C1orf159: variants seen among roughly 807,000 people sequenced by gnomAD.
C1orf159 encodes the protein uncharacterized protein C1orf159.
A neutral mutation model predicts 25.6 loss-of-function variants in C1orf159; 19 were observed. The ratio of observed to expected loss-of-function variants is 0.74; its 90% confidence interval spans 0.52 to 1.09. The LOEUF (loss-of-function observed/expected upper bound fraction) is 1.09, where lower values mean the gene tolerates loss of function less well. Ranked by LOEUF, C1orf159 falls within the 50% of genes least tolerant of loss-of-function variation. C1orf159 has a pLI of 0.00. For missense variants in C1orf159, 274 were observed against 290.6 expected (o/e 0.94, Z 0.42); for synonymous variants, 139 against 124.7 (o/e 1.12, Z -0.77).
chr1:1,087,475 G>T lies in C1orf159; in HGVS notation c.244+27C>A. On this transcript the variant is annotated intron_variant, in intron 5 of 9. Transcript: ENST00000421241. This position sits in a 1 kb window ranked among gnomAD's most constrained non-coding sequence, Gnocchi z 8.3. ...TCCCACAGCTGGAGCTGTGAGAAGG[G>T]AGCCGGGGGGAGCCGGGCAGACCTA... is the stretch of plus-strand genomic sequence containing the variant. 1 of 1,530,496 alleles carries T rather than the reference G, an allele frequency of 6.5e-7. No homozygotes were observed. The highest frequency in any genetic ancestry group is 8.8e-7 in the Non-Finnish European group (1 of 1,131,126). The allele number at this position is 1,530,496 out of a possible 1,614,324, so 94.8% of individuals were successfully genotyped here. A position where few individuals can be genotyped will look rare whatever the true frequency, so the allele number is the denominator to read the frequency against.
rs186180518 is a variant in C1orf159 at position 1,089,902 on chromosome 1, A to G, written c.148+451T>C. Among the ~76,000 whole-genome samples the G allele has an allele frequency of 4.7e-3, 718 of 152,310 alleles. 4 individuals are homozygous for G. Among genetic ancestry groups the G allele is most frequent in the African/African-American group, 0.016 (678 of 41,574 alleles). On this transcript the variant is annotated intron_variant, in intron 4 of 9. Transcript: ENST00000421241. This position sits in a 1 kb window ranked among gnomAD's most constrained non-coding sequence, Gnocchi z 7.5. ...AACAGGGCCTGCCCGTGGCACGCTGACACAGGCCGGCATCCTCGTGGCGTC... is the reference window on the plus strand; with the variant it reads ...AACAGGGCCTGCCCGTGGCACGCTGGCACAGGCCGGCATCCTCGTGGCGTC...
intron 1 of C1orf159, among the ~76,000 whole-genome samples, chr1:1,102,071 CAA>C (rs1237729417): frequency 2.5e-4 from 10 of 39,976 alleles, no homozygotes; most frequent in Non-Finnish European, 4.4e-4. Context: ...AACTCTGTCT[CAA>C]AAAAAAAAAA....
At chr1:1,103,529 C>T (rs746661175) in intron 1 of C1orf159, among the ~76,000 whole-genome samples, 4 of 152,214 alleles carry the variant, frequency 2.6e-5, no homozygotes, top group South Asian at 2.1e-4. Flanking sequence ...GTCACACCTG[C>T]GGTGAGCGGT....
chr1:1,115,936 C>T (rs948329382), intron 1 of C1orf159, 124 bp downstream of exon 1: 2 of 151,296 alleles, frequency 1.3e-5, no homozygotes, highest in African/African-American at 2.4e-5. Flanking sequence ...GAACGTCCCT[C>T]GGGCCGGGCC....
chr1:1,104,818 G>C (rs375832599), intron 1 of C1orf159, among the ~76,000 whole-genome samples: 1 of 142,944 alleles, frequency 7.0e-6, no homozygotes, highest in Non-Finnish European at 1.5e-5. Flanking sequence ...TGTCTCAAAG[G>C]AAAAAAAAAA....
rs1333379006 is a variant in C1orf159 at position 1,087,692 on chromosome 1, C to G, written c.149-95G>C. ...TTCTCTATTTGAGTTGGTGAGATAA[C>G]TTTCATTCCAGATACTAACATGCTC... On this transcript the variant is annotated intron_variant, in intron 4 of 9. Transcript: ENST00000421241. The surrounding 1 kb of genome is among the most constrained non-coding windows in gnomAD (Gnocchi z 8.3). The G allele has an allele frequency of 2.1e-6, 2 of 944,712 alleles. No homozygotes were observed. Among genetic ancestry groups the G allele is most frequent in the Non-Finnish European group, 3.2e-6 (2 of 629,884 alleles). The allele number at this position is 944,712 out of a possible 1,614,324, so 58.5% of individuals were successfully genotyped here. A position where few individuals can be genotyped will look rare whatever the true frequency, so the allele number is the denominator to read the frequency against.
At chr1:1,102,614 T>TAAAAAAAA (rs1170365187) in intron 1 of C1orf159, among the ~76,000 whole-genome samples, 1 of 34,108 alleles carries the variant, frequency 2.9e-5, no homozygotes, top group Non-Finnish European at 5.7e-5. Context: ...CTGTCTCTAC[T>TAAAAAAAA]AAAAAAAAAA....
chr1:1,090,841 G>A (rs781117690), intron 3 of C1orf159: 1 of 1,513,326 alleles, frequency 6.6e-7, no homozygotes, highest in South Asian at 1.2e-5. Flanking sequence ...CAGGTGCCCA[G>A]GTACTGCACA....
At chr1:1,100,805 T>A (rs1265240461) in intron 1 of C1orf159, among the ~76,000 whole-genome samples, 1 of 152,216 alleles carries the variant, frequency 6.6e-6, no homozygotes, top group Non-Finnish European at 1.5e-5. Flanking sequence ...CCTTGCTTTT[T>A]CTAGTCTACT....
Position 1,082,927 on chromosome 1 carries a change from G to T in C1orf159, c.563C>A (p.Ala188Asp), listed in dbSNP as rs779258878. Residue 188 changes from alanine (A) to aspartate (D), a missense_variant, in exon 10 of 10, where the codon GCC becomes GAC. Ala to Asp is a moderately radical substitution (Grantham distance 126, BLOSUM62 -2). Coordinates refer to ENST00000421241, the MANE Select transcript of C1orf159 (RefSeq NM_017891.5). ...RPLDRATDPAAFPGEARISNV is the reference protein window; with the variant it reads ...RPLDRATDPADFPGEARISNV The stretch of plus-strand genomic sequence containing the variant: ...GCTGATACGGGCCTCCCCCGGGAAG[G>T]CAGCGGGATCCGTGGCCCTGTCCAG... 1.6e-4 allele frequency: 264 copies of T among 1,603,056 alleles called. 1 individual carries two copies. In the Middle Eastern group the frequency reaches 3.8e-3, roughly 23 times the overall value.
At chr1:1,085,256 G>A (rs1377745635) in intron 7 of C1orf159, 3 of 435,810 alleles carry the variant, frequency 6.9e-6, no homozygotes, top group South Asian at 3.2e-5. Flanking sequence ...CTCACCTTGG[G>A]GTCCGAACTG....
chr1:1,084,301 G>C, intron 9 of C1orf159, 52 bp downstream of exon 9: 1 of 1,525,572 alleles, frequency 6.6e-7, no homozygotes, highest in Non-Finnish European at 8.8e-7. Context: ...AGCACCCTGG[G>C]ACTGGCCCAG....
intron 1 of C1orf159, among the ~76,000 whole-genome samples, chr1:1,102,563 T>C (rs1412166041): frequency 2.3e-5 from 3 of 131,720 alleles, no homozygotes. Flanking sequence ...GTGGATCACC[T>C]GAGGTCAGTT....
intron 3 of C1orf159, chr1:1,091,067 C>T: frequency 1.7e-6 from 2 of 1,177,948 alleles, no homozygotes; most frequent in Non-Finnish European, 2.4e-6. Context: ...GGGCCCAGGT[C>T]CGGTCCCTCA....
In C1orf159 at chr1:1,090,247, C is replaced by A. The variant is rs997423493; in HGVS notation, c.148+106G>T. On this transcript the variant is annotated intron_variant, in intron 4 of 9. Transcript: ENST00000421241. ...TGCCCCATCCACTCCCCAGGTCCCG[C>A]AGCACAGATGAGCACTGTCCTTGTC... 350 of 1,164,510 alleles carry A rather than the reference C, an allele frequency of 3.0e-4. 1 individual carries two copies. The highest frequency in any genetic ancestry group is 5.4e-5 in the Non-Finnish European group (43 of 801,168). The allele number at this position is 1,164,510 out of a possible 1,614,324, so 72.1% of individuals were successfully genotyped here. A position where few individuals can be genotyped will look rare whatever the true frequency, so the allele number is the denominator to read the frequency against.
In C1orf159 at chr1:1,102,093, A is replaced by AAAAC. The variant is rs1274356993; in HGVS notation, c.-135-9994_-135-9991dup. On this transcript the variant is annotated intron_variant, in intron 1 of 9. Coordinates refer to ENST00000421241, the MANE Select transcript of C1orf159 (RefSeq NM_017891.5). The stretch of plus-strand genomic sequence containing the variant: ...TCTCAAAAAAAAAAAAAAAAAAAAA[A>AAAAC]AAACAAACTTTTGAAGTGATGGGTC... Among the ~76,000 whole-genome samples the AAAAC allele has an allele frequency of 3.5e-5, 5 of 142,160 alleles. No homozygotes were observed. The East Asian group carries it at 1.0e-3, about 30-fold the overall frequency. The allele number at this position is 142,160 out of a possible 152,430, so 93.3% of individuals were successfully genotyped here. A position where few individuals can be genotyped will look rare whatever the true frequency, so the allele number is the denominator to read the frequency against.
At chr1:1,101,209 C>T (rs1427413092) in intron 1 of C1orf159, among the ~76,000 whole-genome samples, 3 of 152,136 alleles carry the variant, frequency 2.0e-5, no homozygotes, top group Non-Finnish European at 2.9e-5. Flanking sequence ...CTTGGTCGGG[C>T]GTGGCAGCTC....
chr1:1,115,851 T>C (rs1316230687), intron 1 of C1orf159, among the ~76,000 whole-genome samples: 1 of 148,278 alleles, frequency 6.7e-6, no homozygotes, highest in Non-Finnish European at 1.5e-5. Flanking sequence ...CCAGGCTCGT[T>C]GGGAGGCGGC....
intron 1 of C1orf159, among the ~76,000 whole-genome samples, chr1:1,099,518 A>G (rs1646064897): frequency 6.8e-6 from 1 of 146,352 alleles, no homozygotes; most frequent in Non-Finnish European, 1.5e-5. Flanking sequence ...TGTATTGTCT[A>G]TTGATGTTTT....
Sources: allele counts gnomAD v4.1 joint callset (sites outside exome capture counted in the v4.1 genomes callset), GRCh38; gene constraint gnomAD v4.1.1; non-coding constraint Gnocchi (gnomAD v3.1); transcripts MANE v1.5; gene names NCBI Gene and HGNC (gene_info 2026-07-23, HGNC 2026-07-21).